Variants in RAPGEF6 observed in about 807,000 individuals in gnomAD.
RAPGEF6 encodes the protein Rap guanine nucleotide exchange factor 6.
RAPGEF6 carries 56 observed loss-of-function variants against 171.4 expected under a neutral mutation model. The observed-to-expected ratio is 0.33, with a 90% CI of 0.26 to 0.41. The LOEUF is 0.41. Among genes scored for constraint, RAPGEF6 ranks in the 10% least tolerant of loss-of-function variants. RAPGEF6 has a pLI of 1.00. For synonymous variants in RAPGEF6, 692 were observed against 650.1 expected, an observed-to-expected ratio of 1.06 and a Z score of -0.98; for missense variants, 1,674 against 1,921.4, an observed-to-expected ratio of 0.87 and a Z score of 2.41.
chr5:131,553,570 A>T (rs2149956445), intron 5 of RAPGEF6, among the ~76,000 whole-genome samples: 1 of 152,310 alleles, frequency 6.6e-6, no homozygotes, highest in East Asian at 1.9e-4. Flanking sequence ...TATAGACAAC[A>T]CACACAGATT....
In RAPGEF6 at chr5:131,436,124, C is replaced by CT. The variant is rs1452281314; in HGVS notation, c.3746-2467dup. 3.9e-6 allele frequency: 6 copies of CT among 1,537,878 alleles called. No homozygotes were observed. In the African/African-American group the frequency reaches 8.2e-5, roughly 21 times the overall value. ...GTAGCTTGATTGTGATCTGTGTCCT[C>CT]TTTTTGGCTGTTGACTAGTCTCTCC... On this transcript the variant is annotated intron_variant, in intron 24 of 27. Transcript: ENST00000509018.
chr5:131,627,765 C>T (rs754938700), intron 1 of RAPGEF6, among the ~76,000 whole-genome samples: 1 of 152,128 alleles, frequency 6.6e-6, no homozygotes, highest in Non-Finnish European at 1.5e-5. Flanking sequence ...GACAACCCTG[C>T]ATCAAGCAAG....
At chr5:131,436,849 G>T (rs899617371) in intron 24 of RAPGEF6, among the ~76,000 whole-genome samples, 11 of 152,192 alleles carry the variant, frequency 7.2e-5, no homozygotes, top group Non-Finnish European at 1.2e-4. Flanking sequence ...TTCTGATCCT[G>T]TTGTAGATCC....
chr5:131,556,697 G>C (rs1761256997), intron 5 of RAPGEF6, among the ~76,000 whole-genome samples: 1 of 151,916 alleles, frequency 6.6e-6, no homozygotes, highest in Non-Finnish European at 1.5e-5. Context: ...TTCTTTCTCA[G>C]GTTTCTTCTA....
At chr5:131,581,940 GA>G (rs1269419722) in intron 4 of RAPGEF6, among the ~76,000 whole-genome samples, 2 of 152,208 alleles carry the variant, frequency 1.3e-5, no homozygotes, top group African/African-American at 4.8e-5. Flanking sequence ...TCACCCTTGT[GA>G]ATGTATTTTG....
At chr5:131,544,130 T>A (rs1426240548) in intron 6 of RAPGEF6, among the ~76,000 whole-genome samples, 4 of 152,186 alleles carry the variant, frequency 2.6e-5, no homozygotes, top group Admixed American at 2.6e-4. Flanking sequence ...CCACACTAAA[T>A]AACAATTTTG....
At chr5:131,532,542 A>G (rs910174747) in intron 6 of RAPGEF6, among the ~76,000 whole-genome samples, 4 of 152,172 alleles carry the variant, frequency 2.6e-5, no homozygotes, top group Admixed American at 1.3e-4. Context: ...TCCTCTCTGT[A>G]ATATAGCTTT....
intron 20 of RAPGEF6, among the ~76,000 whole-genome samples, chr5:131,454,579 G>A (rs1215840599): frequency 6.6e-6 from 1 of 151,994 alleles, no homozygotes; most frequent in Non-Finnish European, 1.5e-5. Context: ...AAAAGAAAAA[G>A]GAAGCTGTAA....
intron 1 of RAPGEF6, among the ~76,000 whole-genome samples, chr5:131,607,503 T>A (rs924711859): frequency 1.1e-4 from 17 of 152,330 alleles, no homozygotes; most frequent in African/African-American, 4.1e-4. Flanking sequence ...AAAATCTGCA[T>A]CCATGCAAGG....
At chr5:131,492,943 C>T (rs1416445469) in intron 13 of RAPGEF6, among the ~76,000 whole-genome samples, 158 bp from the exon 14 acceptor site, 1 of 152,152 alleles carries the variant, frequency 6.6e-6, no homozygotes, top group Non-Finnish European at 1.5e-5. Flanking sequence ...AAAGCACTCT[C>T]AACAAGATTT....
At position 131,489,571 on chromosome 5, in the gene RAPGEF6, T is replaced by C. The variant is rs79734004; in HGVS notation, c.1815A>G (p.Ala605=). 1,370 of 1,595,828 alleles carry C rather than the reference T, an allele frequency of 8.6e-4. 13 individuals carry two copies. The African/African-American group carries it at 0.016, about 19-fold the overall frequency. Residue 605 remains alanine (A), a synonymous_variant, in exon 15 of 28, where the codon GCA becomes GCG. Coordinates refer to ENST00000509018, the MANE Select transcript of RAPGEF6 (RefSeq NM_016340.6). ...CAAAAATGTTGGTCTTCACAGTAAG[T>C]GCAAGATGAGTATTATTCCTCAAAA... ...VEILRNNTHL[A]LTVKTNIFVF... is the part of the protein sequence containing the mutation.
Position 131,498,477 on chromosome 5 carries a change from A to G in RAPGEF6, c.1385T>C (p.Leu462Ser), listed in dbSNP as rs748347202. 75 of 1,613,404 alleles carry G rather than the reference A, an allele frequency of 4.6e-5. 1 individual carries two copies. The highest frequency in any genetic ancestry group is 1.6e-4 in the Middle Eastern group (1 of 6,076). ...TAAGCTGTCGATCTTAAACCATTCC[A>G]ATAGTTTGATCCCAACATCCAAAGG... ...ESPLDVGIKL[L>S]EWFKIDSLRD... The change falls in exon 12 of 28, where the codon TTG (leucine) becomes TCG (serine). Residue 462 changes from leucine (L) to serine (S), a missense_variant. Physicochemically the swap from Leu to Ser is moderately radical, Grantham distance 145 (BLOSUM62 -2). Around this residue, in one of 3 missense-constraint regions of RAPGEF6, gnomAD observed 1,116 missense variants for 1,321.5 expected, o/e 0.84. Coordinates refer to ENST00000509018, the MANE Select transcript of RAPGEF6 (RefSeq NM_016340.6).
chr5:131,429,700 T>A (rs2149804073), intron 26 of RAPGEF6, among the ~76,000 whole-genome samples: 1 of 152,302 alleles, frequency 6.6e-6, no homozygotes. Context: ...GGCAGATTAG[T>A]TCTCAGTCCT....
At position 131,635,107 on chromosome 5, in the gene RAPGEF6, G is replaced by T; in HGVS notation, c.-77C>A. On this transcript the variant is annotated 5_prime_UTR_variant, in exon 1 of 28. Coordinates refer to ENST00000509018, the MANE Select transcript of RAPGEF6 (RefSeq NM_016340.6). ...TCATTCACACTAGGTAGCGGGTGCG[G>T]TACCTTTCCCCCGCCCCAAGGAGGG... 7.1e-7 allele frequency: 1 copy of T among 1,398,644 alleles called. No homozygotes were observed. The highest frequency in any genetic ancestry group is 9.6e-7 in the Non-Finnish European group (1 of 1,042,210). The allele number at this position is 1,398,644 out of a possible 1,614,324, so 86.6% of individuals were successfully genotyped here. A position where few individuals can be genotyped will look rare whatever the true frequency, so the allele number is the denominator to read the frequency against.
At chr5:131,431,794 T>G (rs1395257903) in intron 25 of RAPGEF6, among the ~76,000 whole-genome samples, 1 of 152,116 alleles carries the variant, frequency 6.6e-6, no homozygotes, top group Non-Finnish European at 1.5e-5. Flanking sequence ...AGTATTTTTC[T>G]TGAACTGATT....
intron 4 of RAPGEF6, among the ~76,000 whole-genome samples, chr5:131,582,720 C>T (rs1197006301): frequency 6.6e-6 from 1 of 152,108 alleles, no homozygotes; most frequent in Non-Finnish European, 1.5e-5. Flanking sequence ...ATATAGCATA[C>T]AAGAACTTTT....
intron 4 of RAPGEF6, among the ~76,000 whole-genome samples, chr5:131,590,111 C>T (rs1763502376): frequency 6.6e-6 from 1 of 152,114 alleles, no homozygotes; most frequent in Non-Finnish European, 1.5e-5. Context: ...TTAAACTTTA[C>T]CTGCTCAGGC....
intron 1 of RAPGEF6, among the ~76,000 whole-genome samples, chr5:131,629,160 A>G (rs777320752): frequency 1.3e-5 from 2 of 152,184 alleles, no homozygotes; most frequent in Non-Finnish European, 2.9e-5. Flanking sequence ...CTGTCTTGAA[A>G]TGATTCATCA....
At chr5:131,616,612 A>G (rs1212642832) in intron 1 of RAPGEF6, among the ~76,000 whole-genome samples, 1 of 152,204 alleles carries the variant, frequency 6.6e-6, no homozygotes, top group Non-Finnish European at 1.5e-5. Flanking sequence ...TTTCTTACCT[A>G]TGATACACTT....
Sources: allele counts gnomAD v4.1 joint callset (sites outside exome capture counted in the v4.1 genomes callset), GRCh38; gene constraint gnomAD v4.1.1; regional missense constraint gnomAD v4.1.1; transcripts MANE v1.5; gene names NCBI Gene and HGNC (gene_info 2026-07-23, HGNC 2026-07-21).